Variants in MYOM1 observed in about 807,000 individuals in gnomAD.
The protein encoded by MYOM1 is myomesin-1.
MYOM1 carries 164 observed loss-of-function variants against 205.3 expected under a neutral mutation model. The observed-to-expected ratio is 0.80, with a 90% CI of 0.70 to 0.91. The LOEUF (loss-of-function observed/expected upper bound fraction) is 0.91, where lower values mean the gene tolerates loss of function less well. MYOM1 is among the 40% of genes least tolerant of loss of function. The pLI is 0.00. For synonymous variants in MYOM1, 772 were observed against 789.4 expected (o/e 0.98, Z 0.37); for missense variants, 2,011 against 2,127.3 (o/e 0.95, Z 1.08).
upstream of MYOM1, chr18:3,220,192 G>A (rs2081315525): frequency 6.6e-6 from 1 of 152,192 alleles, no homozygotes; most frequent in Non-Finnish European, 1.5e-5. Context: ...TTTATCAGTA[G>A]ATAATTTAAA....
At chr18:3,077,686 T>C (rs1359514136) in intron 34 of MYOM1, among the ~76,000 whole-genome samples, 1 of 152,194 alleles carries the variant, frequency 6.6e-6, no homozygotes, top group Non-Finnish European at 1.5e-5. Context: ...AAATAAGCTT[T>C]GGTGAACCAG....
At chr18:3,070,928 T>G (rs1433026004) in intron 37 of MYOM1, among the ~76,000 whole-genome samples, 1 of 151,946 alleles carries the variant, frequency 6.6e-6, no homozygotes, top group Non-Finnish European at 1.5e-5. Flanking sequence ...TTGGCTAAAT[T>G]TTGTATTTTT....
intron 37 of MYOM1, among the ~76,000 whole-genome samples, chr18:3,070,588 C>T (rs1007750371): frequency 3.9e-5 from 6 of 152,128 alleles, no homozygotes; most frequent in Non-Finnish European, 8.8e-5. Context: ...AGGGGCTCTT[C>T]GGAAAATGCA....
At chr18:3,239,194 G>C in the MYOM1 span, among the ~76,000 whole-genome samples, 5 of 152,228 alleles carry the variant, frequency 3.3e-5, no homozygotes, top group Middle Eastern at 3.2e-3. Flanking sequence ...ATGCAGGAGA[G>C]GGCAGAATTG....
chr18:3,160,614 A>T (rs1598733776), intron 10 of MYOM1, among the ~76,000 whole-genome samples: 2 of 152,238 alleles, frequency 1.3e-5, no homozygotes, highest in East Asian at 3.8e-4. Context: ...AATATGCTTT[A>T]AAAAACCTAA....
At chr18:3,075,641 C>G (rs1344450139) in intron 35 of MYOM1, 84 bp downstream of exon 35, 1 of 1,492,430 alleles carries the variant, frequency 6.7e-7, no homozygotes, top group African/African-American at 1.4e-5. Context: ...AAGGCTCTTT[C>G]TAACACTCAG....
At chr18:3,084,792 T>C (rs1396723240) in intron 31 of MYOM1, among the ~76,000 whole-genome samples, 1 of 152,194 alleles carries the variant, frequency 6.6e-6, no homozygotes, top group Non-Finnish European at 1.5e-5. Flanking sequence ...ATGATTTAAA[T>C]TGAAAACAGA....
At chr18:3,171,693 G>A (rs1425735233) in intron 8 of MYOM1, among the ~76,000 whole-genome samples, 1 of 151,918 alleles carries the variant, frequency 6.6e-6, no homozygotes, top group South Asian at 2.1e-4. Flanking sequence ...TTTAGTGGTT[G>A]AAAAAAATAA....
In MYOM1 at chr18:3,119,879, G is replaced by A. The variant is rs373843049; in HGVS notation, c.3108C>T (p.Ile1036=). The A allele has an allele frequency of 1.5e-4, 248 of 1,606,938 alleles. No homozygotes were observed. Among genetic ancestry groups the A allele is most frequent in the Non-Finnish European group, 2.0e-4 (233 of 1,175,338 alleles). Residue 1036 remains isoleucine, a synonymous_variant, in exon 20 of 38, where the codon ATC becomes ATT. Transcript: ENST00000356443. ...GTGTCTGTGGTTTACCTGGGACGGC[G>A]ATGGTCCACTCTTCACATTTGAAGC... ...SECFKCEEWT[I]AVPGPPHSLK...
chr18:3,155,215 C>G, intron 10 of MYOM1, 127 bp from the exon 11 acceptor site: 2 of 961,144 alleles, frequency 2.1e-6, no homozygotes, highest in Admixed American at 6.6e-5. Flanking sequence ...ACGCAGCAAG[C>G]ATCAAATCTT....
intron 8 of MYOM1, among the ~76,000 whole-genome samples, chr18:3,171,533 G>A (rs2080557116): frequency 6.6e-6 from 1 of 152,120 alleles, no homozygotes; most frequent in Non-Finnish European, 1.5e-5. Flanking sequence ...ACAACCAGAA[G>A]ACAACACATC....
intron 9 of MYOM1, among the ~76,000 whole-genome samples, chr18:3,166,324 G>A (rs549671052): frequency 6.8e-6 from 1 of 147,748 alleles, no homozygotes; most frequent in East Asian, 2.1e-4. Flanking sequence ...AGGCTAGAGT[G>A]CAGCGGTGTG....
At chr18:3,174,347 A>G in intron 6 of MYOM1, 139 bp from the exon 7 acceptor site, 1 of 693,544 alleles carries the variant, frequency 1.4e-6, no homozygotes. Context: ...CTCCTGGTAC[A>G]GCTATTTGTC....
In MYOM1 at chr18:3,132,118, G is replaced by GTATATATGTATA. The variant is rs1555621175; in HGVS notation, c.2385-623_2385-622insTATACATATATA. On this transcript the variant is annotated intron_variant, in intron 16 of 37. Coordinates refer to ENST00000356443, the MANE Select transcript of MYOM1 (RefSeq NM_003803.4). ...TAAAATTATTATTATATATGTGTGT[G>GTATATATGTATA]TATATATATATATATATGAGTTATA... is the stretch of plus-strand genomic sequence containing the variant. 3.5e-5 allele frequency among the ~76,000 whole-genome samples: 5 copies of GTATATATGTATA among 143,452 alleles called. No homozygotes were observed. In the East Asian group the frequency reaches 8.0e-4, roughly 23 times the overall value. 94.1% of individuals were successfully genotyped at this position (143,452 alleles called of 152,430 possible). A position where few individuals can be genotyped will look rare whatever the true frequency, so the allele number is the denominator to read the frequency against.
chr18:3,118,031 C>T (rs35119840), intron 20 of MYOM1, among the ~76,000 whole-genome samples: 13,401 of 152,126 alleles, frequency 0.088, 697 homozygotes, highest in East Asian at 0.23. Context: ...AGGAACTATG[C>T]TCTGCTGTTT....
At chr18:3,185,033 T>C (rs748483329) in intron 5 of MYOM1, among the ~76,000 whole-genome samples, 2 of 152,264 alleles carry the variant, frequency 1.3e-5, no homozygotes, top group African/African-American at 2.4e-5. Flanking sequence ...ATTTCTATTT[T>C]TGAATTTAAC....
rs2080861702 is a variant in MYOM1, at chr18:3,188,853, A to T, written c.666T>A (p.Val222=). 1.2e-6 allele frequency: 2 copies of T among 1,612,954 alleles called. No homozygotes were observed. The highest frequency in any genetic ancestry group is 3.3e-5 in the Admixed American group (2 of 59,876). Residue 222 remains valine (V), a synonymous_variant, in exon 4 of 38, where the codon GTT becomes GTA. Transcript: ENST00000356443. ...GAAGAGCGGATGTGGCCTGTTTGGAAACCACAGACTGCCTGGATGCCGTGG... is the reference window on the plus strand; with the variant it reads ...GAAGAGCGGATGTGGCCTGTTTGGATACCACAGACTGCCTGGATGCCGTGG... ...RQSTASRQSV[V]SKQATSALQQ...
chr18:3,095,787 CGTT>C (rs146019916), intron 25 of MYOM1, among the ~76,000 whole-genome samples: 3,547 of 152,232 alleles, frequency 0.023, 132 homozygotes, highest in African/African-American at 0.081. Context: ...TCTTGGTCCT[CGTT>C]GTCCACACGG....
rs2078902577 is a variant in MYOM1, at chr18:3,067,042, T to C, written c.*220A>G. On this transcript the variant is annotated 3_prime_UTR_variant, in exon 38 of 38. Transcript: ENST00000356443. ...CCTTAAAACTGTTTCCTAATCTTCA[T>C]GCTATGAATGGTATTTTCTTAACAC... 3.6e-6 allele frequency: 2 copies of C among 560,490 alleles called. No individual in the cohort carries two copies. Among genetic ancestry groups the C allele is most frequent in the African/African-American group, 3.8e-5 (2 of 53,290 alleles). The allele number at this position is 560,490 out of a possible 1,614,324, so 34.7% of individuals were successfully genotyped here.
Sources: allele counts gnomAD v4.1 joint callset (sites outside exome capture counted in the v4.1 genomes callset), GRCh38; gene constraint gnomAD v4.1.1; transcripts MANE v1.5; gene names NCBI Gene and HGNC (gene_info 2026-07-23, HGNC 2026-07-21).